The following NRCAM variants were observed in gnomAD, a reference collection of about 807,000 sequenced individuals.
NRCAM encodes the protein NgCAM-related cell adhesion molecule.
NRCAM carries 83 observed loss-of-function variants against 156.5 expected under a neutral mutation model. That is an observed-to-expected ratio of 0.53 (90% CI 0.44 to 0.64). The LOEUF is 0.64. Ranked by LOEUF, NRCAM falls within the 30% of genes least tolerant of loss-of-function variation. The probability of loss-of-function intolerance (pLI) is 0.00; values close to 1 mark genes in which losing one functional copy is unlikely to be tolerated. For missense variants in NRCAM, 1,417 were observed against 1,597.3 expected (o/e 0.89, Z 1.92); for synonymous variants, 538 against 563.9 (o/e 0.95, Z 0.65).
At chr7:108,254,878 C>T (rs1026485095) in intron 3 of NRCAM, among the ~76,000 whole-genome samples, 2 of 152,166 alleles carry the variant, frequency 1.3e-5, no homozygotes, top group Non-Finnish European at 2.9e-5. Flanking sequence ...TAAACACTCA[C>T]TTACCATACA....
intron 2 of NRCAM, among the ~76,000 whole-genome samples, chr7:108,357,553 A>G (rs569496627): frequency 1.6e-4 from 24 of 151,162 alleles, no homozygotes; most frequent in African/African-American, 5.6e-4. Context: ...CTGGTCTTGA[A>G]CTCCTAACCT....
At chr7:108,167,158 A>AGCTTATAAAGAAT in intron 29 of NRCAM, 85 bp from the exon 30 acceptor site, 1 of 1,012,976 alleles carries the variant, frequency 9.9e-7, no homozygotes, top group Non-Finnish European at 1.5e-6. Context: ...AAAATTCTTT[A>AGCTTATAAAGAAT]TAAGCTAAAG....
At chr7:108,177,291 T>A (rs2153224523) in intron 26 of NRCAM, among the ~76,000 whole-genome samples, 1 of 151,822 alleles carries the variant, frequency 6.6e-6, no homozygotes, top group African/African-American at 2.4e-5. Flanking sequence ...ATCCCAGAAA[T>A]AAAGGAAGGA....
intron 3 of NRCAM, among the ~76,000 whole-genome samples, chr7:108,281,823 C>T (rs16872472): frequency 0.04 from 6,049 of 152,256 alleles, 176 homozygotes; most frequent in South Asian, 0.12. Flanking sequence ...GATGGGCAAA[C>T]TGGATGTAAT....
At chr7:108,371,326 C>T (rs1175476631) in intron 2 of NRCAM, among the ~76,000 whole-genome samples, 1 of 152,090 alleles carries the variant, frequency 6.6e-6, no homozygotes, top group African/African-American at 2.4e-5. Context: ...TGGGGACAGG[C>T]ACTTTGCTGT....
At chr7:108,406,295 T>G (rs1486126288) in intron 1 of NRCAM, among the ~76,000 whole-genome samples, 3 of 152,184 alleles carry the variant, frequency 2.0e-5, no homozygotes, top group Non-Finnish European at 4.4e-5. Context: ...AGAGGAGATT[T>G]GAGCACATCT....
chr7:108,205,382 C>T (rs2080566915), intron 13 of NRCAM, among the ~76,000 whole-genome samples: 1 of 152,176 alleles, frequency 6.6e-6, no homozygotes, highest in African/African-American at 2.4e-5. Flanking sequence ...CAGGAATGGA[C>T]TAAGATGGCT....
At chr7:108,213,139 G>GA (rs1346493814) in intron 11 of NRCAM, among the ~76,000 whole-genome samples, 2 of 152,110 alleles carry the variant, frequency 1.3e-5, no homozygotes, top group African/African-American at 2.4e-5. Flanking sequence ...TGTATCCAGC[G>GA]AAACTAAGCA....
chr7:108,302,969 T>G (rs1433652165), intron 3 of NRCAM, among the ~76,000 whole-genome samples: 1 of 152,182 alleles, frequency 6.6e-6, no homozygotes, highest in Non-Finnish European at 1.5e-5. Flanking sequence ...TTTTATTTTA[T>G]TTTAGTTTTT....
chr7:108,414,669 C>T (rs79438293), intron 1 of NRCAM, among the ~76,000 whole-genome samples: 7,339 of 152,152 alleles, frequency 0.048, 372 homozygotes, highest in African/African-American at 0.13. Flanking sequence ...CATTTGATAC[C>T]ACTCAGTGTA....
intron 1 of NRCAM, among the ~76,000 whole-genome samples, chr7:108,425,292 T>G (rs1258612939): frequency 6.6e-6 from 1 of 152,178 alleles, no homozygotes; most frequent in Admixed American, 6.5e-5. Flanking sequence ...TTTCCCAACT[T>G]TTATTTCATA....
chr7:108,313,323 G>C (rs1353645618), intron 2 of NRCAM: 1 of 152,192 alleles, frequency 6.6e-6, no homozygotes, highest in Non-Finnish European at 1.5e-5. Flanking sequence ...GCCAGAGAAA[G>C]AGAGGAAGGA....
At chr7:108,414,855 C>T (rs1416502259) in intron 1 of NRCAM, among the ~76,000 whole-genome samples, 1 of 152,056 alleles carries the variant, frequency 6.6e-6, no homozygotes, top group African/African-American at 2.4e-5. Flanking sequence ...GCCAGCACAA[C>T]CACAACAGTG....
intron 1 of NRCAM, among the ~76,000 whole-genome samples, chr7:108,419,180 C>T (rs1465820113): frequency 5.9e-5 from 9 of 152,134 alleles, no homozygotes; most frequent in African/African-American, 2.4e-5. Flanking sequence ...TAGAAGATAA[C>T]GTTAGTCATT....
chr7:108,196,605 G>T (rs2075264489), intron 14 of NRCAM, among the ~76,000 whole-genome samples: 1 of 152,104 alleles, frequency 6.6e-6, no homozygotes, highest in Non-Finnish European at 1.5e-5. Flanking sequence ...CCAATCGCCA[G>T]ATAAATGTAA....
chr7:108,365,613 G>GATACGAGAAGGTTA lies in NRCAM; in HGVS notation c.-174+33822_-174+33823insTAACCTTCTCGTAT, dbSNP rs543280639. Among the ~76,000 whole-genome samples the GATACGAGAAGGTTA allele has an allele frequency of 8.0e-3, 1,216 of 152,162 alleles. 7 individuals are homozygous for GATACGAGAAGGTTA. Among genetic ancestry groups the GATACGAGAAGGTTA allele is most frequent in the African/African-American group, 0.028 (1,152 of 41,522 alleles). ...AATTTATTCTTCCTTCTCGTATTCA[G>GATACGAGAAGGTTA]ACAGATACATATTCAGGATGAAAAC... On this transcript the variant is annotated intron_variant, in intron 2 of 32. Coordinates refer to ENST00000379028, the MANE Select transcript of NRCAM (RefSeq NM_001037132.4).
chr7:108,357,682 C>T (rs1051649140), intron 2 of NRCAM, among the ~76,000 whole-genome samples: 5 of 152,102 alleles, frequency 3.3e-5, no homozygotes, highest in Non-Finnish European at 5.9e-5. Flanking sequence ...TTTTGCTGGT[C>T]TTAGAGATTC....
At chr7:108,411,489 A>G (rs1232602731) in intron 1 of NRCAM, among the ~76,000 whole-genome samples, 1 of 152,186 alleles carries the variant, frequency 6.6e-6, no homozygotes, top group Non-Finnish European at 1.5e-5. Flanking sequence ...AAATGTTACA[A>G]CATGTGTTGA....
In NRCAM at chr7:108,324,877, C is replaced by CAT. The variant is rs201240389; in HGVS notation, c.-173-12147_-173-12146insAT. On this transcript the variant is annotated intron_variant, in intron 2 of 32. Transcript: ENST00000379028. ...TGTTTGTGTAATATTTGGCACTGTA[C>CAT]TTTTTTTTTTTTTTTTTTTTTTTTT... is the stretch of plus-strand genomic sequence containing the variant. Among the ~76,000 whole-genome samples, 85 of 82,670 alleles carry CAT rather than the reference C, an allele frequency of 1.0e-3. 2 individuals carry two copies. Among genetic ancestry groups the CAT allele is most frequent in the Non-Finnish European group, 1.4e-3 (59 of 43,380 alleles). 54.2% of individuals were successfully genotyped at this position (82,670 alleles called of 152,430 possible). A position where few individuals can be genotyped will look rare whatever the true frequency, so the allele number is the denominator to read the frequency against.
Sources: allele counts gnomAD v4.1 joint callset (sites outside exome capture counted in the v4.1 genomes callset), GRCh38; gene constraint gnomAD v4.1.1; transcripts MANE v1.5; gene names NCBI Gene and HGNC (gene_info 2026-07-23, HGNC 2026-07-21).